The following AK7 variants were observed in gnomAD, a reference collection of about 807,000 sequenced individuals.
AK7 encodes the protein adenylate kinase 7, also known as ATP-AMP transphosphorylase 7.
A neutral mutation model predicts 96.6 loss-of-function variants in AK7; 78 were observed. The observed-to-expected ratio is 0.81, with a 90% CI of 0.67 to 0.97. The LOEUF (loss-of-function observed/expected upper bound fraction) is 0.97, where lower values mean the gene tolerates loss of function less well. Ranked by LOEUF, AK7 falls within the 50% of genes least tolerant of loss-of-function variation. AK7 has a pLI of 0.00. For synonymous variants in AK7, 302 were observed against 317.2 expected (o/e 0.95, Z 0.51); for missense variants, 855 against 887.9 (o/e 0.96, Z 0.47).
chr14:96,473,108 C>T (rs1185420308), intron 14 of AK7, among the ~76,000 whole-genome samples: 1 of 151,786 alleles, frequency 6.6e-6, no homozygotes, highest in Non-Finnish European at 1.5e-5. Flanking sequence ...TCTGATATCT[C>T]TCTCTTTTCT....
intron 7 of AK7, among the ~76,000 whole-genome samples, chr14:96,444,964 C>T (rs557444166): frequency 2.8e-4 from 42 of 152,292 alleles, no homozygotes; most frequent in African/African-American, 8.9e-4. Flanking sequence ...GTGATCCATC[C>T]GCCTCAGCCT....
At chr14:96,393,682 A>C (rs1057498747) in intron 1 of AK7, among the ~76,000 whole-genome samples, 2 of 152,224 alleles carry the variant, frequency 1.3e-5, no homozygotes, top group East Asian at 1.9e-4. Context: ...CACCCTATCC[A>C]ATATGGCTTC....
Position 96,483,107 on chromosome 14 carries a change from A to G in AK7, c.1862A>G (p.Glu621Gly). ...YGLTDEEKAE[E>G]ERKAAEERLA... Reference sequence around the variant, plus strand: ...TTAACAGACGAAGAAAAGGCAGAAGAGGAGCGGAAGGCTGCGGAGGAGCGG... The same window carrying G: ...TTAACAGACGAAGAAAAGGCAGAAGGGGAGCGGAAGGCTGCGGAGGAGCGG... The change falls in exon 16 of 18, where the codon GAG becomes GGG. Residue 621 changes from glutamate to glycine, a missense_variant. Transcript: ENST00000267584. 1 of 1,614,212 alleles carries G rather than the reference A, an allele frequency of 6.2e-7. No homozygotes were observed. The highest frequency in any genetic ancestry group is 8.5e-7 in the Non-Finnish European group (1 of 1,180,044).
At chr14:96,485,730 T>C (rs1005116377) in intron 16 of AK7, among the ~76,000 whole-genome samples, 1 of 152,144 alleles carries the variant, frequency 6.6e-6, no homozygotes, top group African/African-American at 2.4e-5. Flanking sequence ...CTGTTTCCCA[T>C]TTTGATCTCT....
chr14:96,435,280 C>T (rs1892575164), intron 5 of AK7, among the ~76,000 whole-genome samples: 1 of 152,144 alleles, frequency 6.6e-6, no homozygotes, highest in South Asian at 2.1e-4. Context: ...GCTGGTTATT[C>T]AGGGCCCAAG....
chr14:96,455,512 A>G (rs896495258), intron 10 of AK7, among the ~76,000 whole-genome samples: 1 of 152,142 alleles, frequency 6.6e-6, no homozygotes, highest in Admixed American at 6.5e-5. Context: ...AACAAAACAA[A>G]TAATTAAAGA....
intron 4 of AK7, among the ~76,000 whole-genome samples, chr14:96,411,542 T>G (rs57146232): frequency 0.016 from 2,477 of 151,876 alleles, 69 homozygotes; most frequent in African/African-American, 0.056. Context: ...AAGGAAAAAT[T>G]ATAGAATTTA....
At chr14:96,457,141 A>T (rs1893967355) in intron 11 of AK7, 1 of 147,436 alleles carries the variant, frequency 6.8e-6, no homozygotes, top group South Asian at 2.1e-4. Flanking sequence ...GCTCACTGCA[A>T]CCTTCACCTC....
rs371299419 is a variant in AK7, at chr14:96,408,958, C to T, written c.498+17C>T. On this transcript the variant is annotated intron_variant, in intron 4 of 17. Transcript: ENST00000267584. Reference sequence around the variant, plus strand: ...CTGGACCCCGTAAGTAGAGCGTTAGCTTTCCTTTAGGTAACATTTCAGCCA... The same window carrying T: ...CTGGACCCCGTAAGTAGAGCGTTAGTTTTCCTTTAGGTAACATTTCAGCCA... 7.2e-5 allele frequency: 116 copies of T among 1,612,306 alleles called. No homozygotes were observed. The Middle Eastern group carries it at 1.3e-3, about 18-fold the overall frequency.
intron 12 of AK7, among the ~76,000 whole-genome samples, chr14:96,458,917 A>C (rs1894097467): frequency 7.3e-6 from 1 of 137,340 alleles, no homozygotes; most frequent in African/African-American, 2.8e-5. Context: ...CTCAACAAAA[A>C]AAAAAAAAAA....
chr14:96,426,633 GA>G (rs1892045131), intron 5 of AK7, among the ~76,000 whole-genome samples: 1 of 152,102 alleles, frequency 6.6e-6, no homozygotes, highest in Non-Finnish European at 1.5e-5. Flanking sequence ...GTTTGTCTGG[GA>G]AAGTATTTCT....
At chr14:96,476,505 C>CA (rs34683106) in intron 14 of AK7, among the ~76,000 whole-genome samples, 2,875 of 87,034 alleles carry the variant, frequency 0.033, 45 homozygotes, top group Non-Finnish European at 0.049. Context: ...GACTTTGTCT[C>CA]AAAAAAAAAA....
chr14:96,420,328 C>A (rs987899466), intron 4 of AK7, among the ~76,000 whole-genome samples: 9 of 151,402 alleles, frequency 5.9e-5, no homozygotes, highest in Non-Finnish European at 8.8e-5. Flanking sequence ...AAAAACCTGT[C>A]TACTAAAAAT....
intron 1 of AK7, among the ~76,000 whole-genome samples, chr14:96,393,451 C>T (rs770255075): frequency 2.0e-5 from 3 of 152,202 alleles, no homozygotes; most frequent in Non-Finnish European, 4.4e-5. Context: ...GGGCAGAAGT[C>T]CAAGATCAAG....
rs150700397 is a variant in AK7, at chr14:96,450,630, C to T, written c.948+751C>T. Among the ~76,000 whole-genome samples, 633 of 151,156 alleles carry T rather than the reference C, an allele frequency of 4.2e-3. 7 individuals are homozygous for T. Among genetic ancestry groups the T allele is most frequent in the African/African-American group, 0.014 (598 of 41,276 alleles). ...TTCAAGCTTGCATTAGAATGCAATT[C>T]TTTTTAAGAATAAATTGCAAATAAA... On this transcript the variant is annotated intron_variant, in intron 9 of 17. Coordinates refer to ENST00000267584, the MANE Select transcript of AK7 (RefSeq NM_152327.5).
At chr14:96,484,241 C>G (rs1895659984) in intron 16 of AK7, among the ~76,000 whole-genome samples, 1 of 152,032 alleles carries the variant, frequency 6.6e-6, no homozygotes, top group African/African-American at 2.4e-5. Flanking sequence ...GACCCTGTCT[C>G]AAAAAACAAA....
chr14:96,466,999 A>G (rs1894602853), intron 12 of AK7, among the ~76,000 whole-genome samples: 2 of 151,718 alleles, frequency 1.3e-5, no homozygotes, highest in African/African-American at 4.8e-5. Flanking sequence ...CAAATAACCA[A>G]CAACTCAGAA....
chr14:96,459,985 A>T (rs992244012), intron 12 of AK7, among the ~76,000 whole-genome samples: 1 of 152,238 alleles, frequency 6.6e-6, no homozygotes, highest in Admixed American at 6.5e-5. Context: ...GATTCATTGT[A>T]GCCAGTTTGT....
chr14:96,443,892 G>T (rs1893090423), intron 7 of AK7, among the ~76,000 whole-genome samples: 1 of 150,460 alleles, frequency 6.6e-6, no homozygotes, highest in African/African-American at 2.5e-5. Context: ...TCCTGCCTCA[G>T]CCTCCCAAGT....
Sources: allele counts gnomAD v4.1 joint callset (sites outside exome capture counted in the v4.1 genomes callset), GRCh38; gene constraint gnomAD v4.1.1; transcripts MANE v1.5; gene names NCBI Gene and HGNC (gene_info 2026-07-23, HGNC 2026-07-21).